WNK4: variants seen among roughly 807,000 people sequenced by gnomAD.
WNK4 encodes the protein serine/threonine-protein kinase WNK4.
A neutral mutation model predicts 116.2 loss-of-function variants in WNK4; 94 were observed. That is an observed-to-expected ratio of 0.81 (90% CI 0.68 to 0.96). The LOEUF is 0.96. Ranked by LOEUF, WNK4 falls within the 40% of genes least tolerant of loss-of-function variation. The probability of loss-of-function intolerance (pLI) is 0.00; values close to 1 mark genes in which losing one functional copy is unlikely to be tolerated. For missense variants in WNK4, 1,542 were observed against 1,650.6 expected (o/e 0.93, Z 1.14); for synonymous variants, 655 against 672.7 (o/e 0.97, Z 0.41).
chr17:42,784,530 C>G lies in WNK4; in HGVS notation c.1121C>G (p.Pro374Arg). 1 of 1,614,058 alleles carries G rather than the reference C, an allele frequency of 6.2e-7. No individual in the cohort carries two copies. Among genetic ancestry groups the G allele is most frequent in the Non-Finnish European group, 8.5e-7 (1 of 1,180,012 alleles). ...CTGGAGATGGCCACCTCTGAGTACC[C>G]GTACTCCGAGTGCCAGAATGCCGCG... is the stretch of plus-strand genomic sequence containing the variant. ...CMLEMATSEY[P>R]YSECQNAAQI... Residue 374 changes from proline to arginine, a missense_variant, in exon 4 of 19, where the codon CCG becomes CGG. This residue lies in a region of WNK4 where 808 missense variants were observed against 873.6 expected (regional missense o/e 0.92). Transcript: ENST00000246914. This position sits in a 1 kb window ranked among gnomAD's most constrained non-coding sequence, Gnocchi z 4.4.
chr17:42,788,424 GGAGATAGA>G lies in WNK4; in HGVS notation c.2040+21_2040+28del. On this transcript the variant is annotated intron_variant, in intron 10 of 18. Transcript: ENST00000246914. ...GTCACTAGTGTAAGGATGGAGTACA[GGAGATAGA>G]GAGTAACCTACAGGGCCAGGAGGGA... is the stretch of plus-strand genomic sequence containing the variant. 1.9e-6 allele frequency: 3 copies of G among 1,610,084 alleles called. No individual in the cohort carries two copies. The highest frequency in any genetic ancestry group is 2.5e-6 in the Non-Finnish European group (3 of 1,178,088).
chr17:42,781,720 C>G (rs1375361930), intron 1 of WNK4, among the ~76,000 whole-genome samples: 1 of 152,178 alleles, frequency 6.6e-6, no homozygotes, highest in Non-Finnish European at 1.5e-5. Context: ...TCACTCCTCC[C>G]GTCCCCCACC....
rs561506499 is a variant in WNK4 at position 42,783,884 on chromosome 17, T to C, written c.792-53T>C. ...GGGGAACTTCCCAGTGGGGGGCTCC[T>C]TCCCGGAGGACGTGTCCCCCCACCA... On this transcript the variant is annotated intron_variant, in intron 2 of 18. Coordinates refer to ENST00000246914, the MANE Select transcript of WNK4 (RefSeq NM_032387.5). 72 of 1,543,158 alleles carry C rather than the reference T, an allele frequency of 4.7e-5. 2 individuals are homozygous for C. The South Asian group carries it at 7.7e-4, about 16-fold the overall frequency.
chr17:42,781,281 G>T lies in WNK4; in HGVS notation c.583G>T (p.Asp195Tyr). 1 of 1,614,170 alleles carries T rather than the reference G, an allele frequency of 6.2e-7. No homozygotes were observed. Among genetic ancestry groups the T allele is most frequent in the Non-Finnish European group, 8.5e-7 (1 of 1,180,032 alleles). Residue 195 changes from aspartate (D) to tyrosine (Y), a missense_variant, in exon 1 of 19, where the codon GAC becomes TAC. Around this residue, in one of 7 missense-constraint regions of WNK4, gnomAD observed 44 missense variants for 77.7 expected, o/e 0.57. Coordinates refer to ENST00000246914, the MANE Select transcript of WNK4 (RefSeq NM_032387.5). ...GACGGTGTATCGAGGGCTAGACACC[G>T]ACACCACAGTGGAGGTGGCCTGGTG... ...FKTVYRGLDT[D>Y]TTVEVAWCEL...
chr17:42,787,456 G>T lies in WNK4; in HGVS notation c.1655G>T (p.Ser552Ile). 1 of 1,607,758 alleles carries T rather than the reference G, an allele frequency of 6.2e-7. No individual in the cohort carries two copies. The highest frequency in any genetic ancestry group is 1.7e-4 in the Middle Eastern group (1 of 6,052). ...ATVPMAPGPP[S>I]VFPPEPEEPE... ...GTGCCCATGGCCCCCGGTCCCCCCA[G>T]TGTCTTCCCCCCTGAGCCTGAGGAG... Residue 552 changes from serine (S) to isoleucine (I), a missense_variant, in exon 7 of 19, where the codon AGT (serine) becomes ATT (isoleucine). By Grantham distance (142) the Ser-to-Ile change is moderately radical (BLOSUM62 -2). Coordinates refer to ENST00000246914, the MANE Select transcript of WNK4 (RefSeq NM_032387.5).
intron 11 of WNK4, among the ~76,000 whole-genome samples, chr17:42,791,739 C>T (rs979685484): frequency 6.6e-6 from 1 of 151,910 alleles, no homozygotes; most frequent in Admixed American, 6.6e-5. Flanking sequence ...GCAGGTAGAT[C>T]ACTTGAGGTC....
chr17:42,781,268 A>C lies in WNK4; in HGVS notation c.570A>C (p.Arg190=). The part of the protein sequence containing the change: ...IGRGSFKTVY[R]GLDTDTTVEV... ...GTGGCTCCTTCAAGACGGTGTATCG[A>C]GGGCTAGACACCGACACCACAGTGG... The change falls in exon 1 of 19, where the codon CGA becomes CGC. Residue 190 remains arginine (R), a synonymous_variant. Transcript: ENST00000246914. The C allele has an allele frequency of 6.2e-7, 1 of 1,614,110 alleles. No homozygotes were observed. The highest frequency in any genetic ancestry group is 1.1e-5 in the South Asian group (1 of 91,078).
chr17:42,782,822 T>G lies in WNK4; in HGVS notation c.683T>G (p.Leu228Arg), dbSNP rs1265374643. Residue 228 changes from leucine to arginine, a missense_variant, in exon 2 of 19, where the codon CTG (leucine) becomes CGG (arginine). Physicochemically the swap from Leu to Arg is moderately radical, Grantham distance 102. This residue lies in a region of WNK4 where 808 missense variants were observed against 873.6 expected (regional missense o/e 0.92). Transcript: ENST00000246914. This position sits in a 1 kb window ranked among gnomAD's most constrained non-coding sequence, Gnocchi z 4.2. ...GAGGAGGTGGAGATGCTCAAGGGGCTGCAGCACCCCAACATCGTCCGCTTC... is the reference window on the plus strand; with the variant it reads ...GAGGAGGTGGAGATGCTCAAGGGGCGGCAGCACCCCAACATCGTCCGCTTC... ...FSEEVEMLKG[L>R]QHPNIVRFYD... The G allele has an allele frequency of 1.9e-6, 3 of 1,614,180 alleles. No individual in the cohort carries two copies. Among genetic ancestry groups the G allele is most frequent in the Non-Finnish European group, 2.5e-6 (3 of 1,180,032 alleles).
intron 8 of WNK4, 65 bp from the exon 9 acceptor site, chr17:42,788,065 A>G: frequency 6.2e-7 from 1 of 1,601,018 alleles, no homozygotes; most frequent in South Asian, 1.1e-5. Context: ...AGCATCCTTG[A>G]CACCATCTCC....
chr17:42,785,697 C>T (rs1450612852), intron 6 of WNK4, among the ~76,000 whole-genome samples: 1 of 152,210 alleles, frequency 6.6e-6, no homozygotes, highest in East Asian at 1.9e-4. Flanking sequence ...CCTGGGTCCT[C>T]CAGCGTCCCT....
chr17:42,791,684 C>T (rs967870350), intron 11 of WNK4, among the ~76,000 whole-genome samples: 4 of 149,646 alleles, frequency 2.7e-5, no homozygotes, highest in Admixed American at 6.7e-5. Flanking sequence ...ATAGGCCGGG[C>T]GCAGTGGCTC....
At chr17:42,781,699 T>G (rs1356988977) in intron 1 of WNK4, among the ~76,000 whole-genome samples, 1 of 152,162 alleles carries the variant, frequency 6.6e-6, no homozygotes, top group Non-Finnish European at 1.5e-5. Context: ...ACCCTGGTCC[T>G]CTTGATCCCC....
At position 42,795,649 on chromosome 17, in the gene WNK4, G is replaced by T; in HGVS notation, c.3047G>T (p.Arg1016Leu). 1 of 1,613,316 alleles carries T rather than the reference G, an allele frequency of 6.2e-7. No homozygotes were observed. Among genetic ancestry groups the T allele is most frequent in the East Asian group, 2.2e-5 (1 of 44,898 alleles). The change falls in exon 16 of 19, where the codon CGT (arginine) becomes CTT (leucine). Residue 1016 changes from arginine (R) to leucine (L), a missense_variant. Arg to Leu is a moderately radical substitution (Grantham distance 102, BLOSUM62 -2). Coordinates refer to ENST00000246914, the MANE Select transcript of WNK4 (RefSeq NM_032387.5). ...SEEGKPQLVGRFQVTSSKEPA... is the reference protein window; with the variant it reads ...SEEGKPQLVGLFQVTSSKEPA... ...GAGGGAAAGCCGCAGCTTGTTGGGC[G>T]TTTCCAAGTGACTTCATCCAAGGAA...
intron 9 of WNK4, 49 bp from the exon 10 acceptor site, chr17:42,788,241 G>A: frequency 6.2e-7 from 1 of 1,611,644 alleles, no homozygotes. Flanking sequence ...GGGCACTGGG[G>A]TCCCAGTGTC....
At chr17:42,783,587 T>C in intron 2 of WNK4, 1 of 365,698 alleles carries the variant, frequency 2.7e-6, no homozygotes, top group South Asian at 2.7e-5. Context: ...CTTCCCCCTT[T>C]CACCTTTGAG....
In WNK4 at chr17:42,788,788, A is replaced by G. The variant is rs2054580123; in HGVS notation, c.2148A>G (p.Ala716=). The change falls in exon 11 of 19, where the codon GCA becomes GCG. Residue 716 remains alanine (A), a synonymous_variant. Coordinates refer to ENST00000246914, the MANE Select transcript of WNK4 (RefSeq NM_032387.5). ...DLDGDSPEEI[A]AAMVYNEFIL... ...ATGGGGACAGCCCGGAAGAGATTGC[A>G]GCTGCCATGGTGAGGGGGAGAGAGA... 1 of 1,613,692 alleles carries G rather than the reference A, an allele frequency of 6.2e-7. No homozygotes were observed. The highest frequency in any genetic ancestry group is 1.1e-5 in the South Asian group (1 of 91,074).
At position 42,780,877 on chromosome 17, in the gene WNK4, G is replaced by T; in HGVS notation, c.179G>T (p.Ser60Ile). The change falls in exon 1 of 19, where the codon AGC (serine) becomes ATC (isoleucine). Residue 60 changes from serine to isoleucine, a missense_variant. Ser to Ile is a moderately radical substitution (Grantham distance 142, BLOSUM62 -2). Around this residue, in one of 7 missense-constraint regions of WNK4, gnomAD observed 243 missense variants for 217.8 expected, o/e 1.12. Transcript: ENST00000246914. ...CCCCGGCCGCGCTCTTCTCGTCTCA[G>T]CCGCCGTAGCTCAGTCGACTTGGGG... The part of the protein sequence containing the change: ...AEPRPRSSRL[S>I]RRSSVDLGLL... 1 of 1,605,060 alleles carries T rather than the reference G, an allele frequency of 6.2e-7. No homozygotes were observed.
At chr17:42,785,068 C>T (rs1252398354) in intron 4 of WNK4, 29 bp from the exon 5 acceptor site, 4 of 1,600,760 alleles carry the variant, frequency 2.5e-6, no homozygotes, top group Non-Finnish European at 3.4e-6. Flanking sequence ...GATCAGAGGA[C>T]GGGAGGTGTC....
In WNK4 at chr17:42,784,731, C is replaced by A; in HGVS notation, c.1170+152C>A. On this transcript the variant is annotated intron_variant, in intron 4 of 18. Transcript: ENST00000246914. The surrounding 1 kb of genome is among the most constrained non-coding windows in gnomAD (Gnocchi z 4.4). Reference sequence around the variant, plus strand: ...AACACAGAAGGATATTGAGTGCACACGCGCCCCCACCAGTACACGCTATTT... The same window carrying A: ...AACACAGAAGGATATTGAGTGCACAAGCGCCCCCACCAGTACACGCTATTT... 1 of 939,272 alleles carries A rather than the reference C, an allele frequency of 1.1e-6. No homozygotes were observed. The highest frequency in any genetic ancestry group is 1.6e-6 in the Non-Finnish European group (1 of 607,950). 58.2% of individuals were successfully genotyped at this position (939,272 alleles called of 1,614,324 possible).
Sources: gnomAD v4.1 joint callset for allele counts (sites outside exome capture counted in the v4.1 genomes callset) on GRCh38, gnomAD v4.1.1 for gene constraint, gnomAD v4.1.1 regional missense constraint, Gnocchi (gnomAD v3.1) non-coding constraint, MANE v1.5 for transcripts, NCBI Gene and HGNC (gene_info 2026-07-23, HGNC 2026-07-21) for gene names.